COL24A1: variants seen among roughly 807,000 people sequenced by gnomAD.
The protein encoded by COL24A1 is collagen alpha-1(XXIV) chain.
A neutral mutation model predicts 253.9 loss-of-function variants in COL24A1; 224 were observed. The ratio of observed to expected loss-of-function variants is 0.88; its 90% CI spans 0.79 to 0.99. COL24A1 has a LOEUF of 0.99. Ranked by LOEUF, COL24A1 falls within the 50% of genes least tolerant of loss-of-function variation. COL24A1 has a pLI of 0.00. For missense variants in COL24A1, 2,131 were observed against 2,068.5 expected (o/e 1.03, Z -0.59); for synonymous variants, 685 against 673.7 (o/e 1.02, Z -0.26).
chr1:85,973,594 A>AAG (rs1692386775), intron 20 of COL24A1, among the ~76,000 whole-genome samples: 2 of 152,192 alleles, frequency 1.3e-5, no homozygotes, highest in African/African-American at 4.8e-5. Flanking sequence ...AAGAACATAC[A>AAG]ATATTAAGAT....
intron 2 of COL24A1, among the ~76,000 whole-genome samples, chr1:86,132,577 T>C (rs1172574798): frequency 1.3e-5 from 2 of 152,216 alleles, no homozygotes; most frequent in Non-Finnish European, 2.9e-5. Flanking sequence ...TTCAGCTTTC[T>C]ACATGTGGCT....
intron 53 of COL24A1, among the ~76,000 whole-genome samples, chr1:85,762,492 T>C (rs538941520): frequency 1.7e-4 from 26 of 152,336 alleles, no homozygotes; most frequent in Admixed American, 1.6e-3. Context: ...TTGTACATAA[T>C]TAAATGAATG....
chr1:86,112,141 T>A (rs1277336137), intron 5 of COL24A1, among the ~76,000 whole-genome samples: 1 of 152,156 alleles, frequency 6.6e-6, no homozygotes, highest in African/African-American at 2.4e-5. Flanking sequence ...TCTTTAAACA[T>A]CCTCGGTTTT....
chr1:86,104,392 A>G (rs1368755694), intron 5 of COL24A1, among the ~76,000 whole-genome samples: 2 of 152,092 alleles, frequency 1.3e-5, no homozygotes, highest in Non-Finnish European at 2.9e-5. Flanking sequence ...CAGCCATCTC[A>G]GCCCAGTTCA....
chr1:85,995,806 T>A (rs1170847397), intron 19 of COL24A1, among the ~76,000 whole-genome samples: 1 of 152,076 alleles, frequency 6.6e-6, no homozygotes, highest in Non-Finnish European at 1.5e-5. Context: ...ATTTGGTTGT[T>A]TAGAAGTGTG....
Position 86,124,867 on chromosome 1 carries a change from G to A in COL24A1, c.1469C>T (p.Pro490Leu). 4 of 1,564,908 alleles carry A rather than the reference G, an allele frequency of 2.6e-6. No homozygotes were observed. The highest frequency in any genetic ancestry group is 3.4e-6 in the Non-Finnish European group (4 of 1,163,468). Residue 490 changes from proline (P) to leucine (L), a missense_variant, in exon 3 of 60, where the codon CCA becomes CTA. Pro to Leu is a moderately conservative substitution (Grantham distance 98, BLOSUM62 -3). Transcript: ENST00000370571. The stretch of plus-strand genomic sequence containing the variant: ...TACGGGAGGTCCAGTGTCTCCTTTT[G>A]GCCCTCTCAGATACTCCATTTCAAG... ...TMLEMEYLRG[P>L]KGDTGPPGPP...
intron 57 of COL24A1, among the ~76,000 whole-genome samples, chr1:85,744,195 T>C (rs2100927302): frequency 6.6e-6 from 1 of 152,204 alleles, no homozygotes; most frequent in Non-Finnish European, 1.5e-5. Context: ...TGTGTTGAGA[T>C]TAGACACTTC....
At chr1:85,990,404 C>T (rs530968938) in intron 19 of COL24A1, among the ~76,000 whole-genome samples, 7 of 152,314 alleles carry the variant, frequency 4.6e-5, no homozygotes, top group African/African-American at 1.4e-4. Context: ...AGGCATTAGA[C>T]TCTCATAAGG....
chr1:86,003,878 C>T (rs80323833), intron 19 of COL24A1, among the ~76,000 whole-genome samples: 3,106 of 152,144 alleles, frequency 0.02, 41 homozygotes, highest in Middle Eastern at 0.071. Context: ...CACATTAATG[C>T]CCACCAGGAA....
In COL24A1 at chr1:85,945,018, T is replaced by TGTTTG. The variant is rs1689167685; in HGVS notation, c.2562+16230_2562+16231insCAAAC. ...TATCATTGTGTTTTTTTTTTTTTTT[T>TGTTTG]TTTTTTTTTTTTTTTTTGAGACAGA... On this transcript the variant is annotated intron_variant, in intron 24 of 59. Coordinates refer to ENST00000370571, the MANE Select transcript of COL24A1 (RefSeq NM_152890.7). 3.5e-5 allele frequency among the ~76,000 whole-genome samples: 3 copies of TGTTTG among 86,838 alleles called. 1 individual carries two copies. The South Asian group carries it at 1.8e-3, about 53-fold the overall frequency. The allele number at this position is 86,838 out of a possible 152,430, so 57.0% of individuals were successfully genotyped here.
intron 47 of COL24A1, among the ~76,000 whole-genome samples, chr1:85,788,004 T>C (rs932646488): frequency 6.9e-6 from 1 of 145,926 alleles, no homozygotes; most frequent in Non-Finnish European, 1.5e-5. Context: ...TTTTTTTTGA[T>C]ATGTTTGTTG....
chr1:85,898,031 TACTC>T (rs1302558868), intron 28 of COL24A1, among the ~76,000 whole-genome samples: 1 of 152,136 alleles, frequency 6.6e-6, no homozygotes, highest in Non-Finnish European at 1.5e-5. Flanking sequence ...TGAAAACAGA[TACTC>T]AAAGAATAAA....
At chr1:86,014,878 T>C (rs1035488529) in intron 19 of COL24A1, among the ~76,000 whole-genome samples, 3 of 152,148 alleles carry the variant, frequency 2.0e-5, no homozygotes, top group Admixed American at 2.0e-4. Flanking sequence ...CCTTCCCTTC[T>C]TCTCTTTTAT....
At chr1:85,960,169 G>T (rs1440162777) in intron 24 of COL24A1, among the ~76,000 whole-genome samples, 1 of 140,150 alleles carries the variant, frequency 7.1e-6, no homozygotes, top group Non-Finnish European at 1.6e-5. Context: ...ACAAGACCAA[G>T]ATTTATAATT....
In COL24A1 at chr1:86,031,893, C is replaced by T. The variant is rs1417148970; in HGVS notation, c.2034G>A (p.Gly678=). ...PGLVGGTGPP[G]FPGLRGSVGP... is the part of the protein sequence containing the mutation. ...TGATACTCACTCTAAGCCCAGGAAA[C>T]CCCGGAGGACCAGTGCCACCTACAA... The change falls in exon 14 of 60, where the codon GGG becomes GGA. Residue 678 remains glycine, a synonymous_variant. Coordinates refer to ENST00000370571, the MANE Select transcript of COL24A1 (RefSeq NM_152890.7). The T allele has an allele frequency of 1.6e-5, 25 of 1,608,520 alleles. No homozygotes were observed. The highest frequency in any genetic ancestry group is 2.1e-5 in the Non-Finnish European group (25 of 1,177,388).
At chr1:85,919,504 C>T (rs1425925657) in intron 24 of COL24A1, among the ~76,000 whole-genome samples, 1 of 152,118 alleles carries the variant, frequency 6.6e-6, no homozygotes, top group Admixed American at 6.5e-5. Flanking sequence ...CAAAGTGAGA[C>T]CCTGTCTCTA....
At position 85,832,389 on chromosome 1, in the gene COL24A1, A is replaced by T. The variant is rs1160562885; in HGVS notation, c.3681+6196T>A. Among the ~76,000 whole-genome samples the T allele has an allele frequency of 6.6e-5, 10 of 152,016 alleles. 1 individual carries two copies. The South Asian group carries it at 1.0e-3, about 16-fold the overall frequency. The stretch of plus-strand genomic sequence containing the variant: ...GCCTCCAGCTTTGTCCTTTTGGCTT[A>T]GGTTGACTTGGCAATGTGGGCTCTT... On this transcript the variant is annotated intron_variant, in intron 43 of 59. Transcript: ENST00000370571.
intron 53 of COL24A1, among the ~76,000 whole-genome samples, chr1:85,772,995 G>A (rs1668139811): frequency 6.6e-6 from 1 of 152,086 alleles, no homozygotes; most frequent in African/African-American, 2.4e-5. Context: ...GGATTTTTAT[G>A]GTCCTAGGTC....
intron 24 of COL24A1, among the ~76,000 whole-genome samples, chr1:85,945,299 G>C (rs1273120116): frequency 6.6e-6 from 1 of 151,662 alleles, no homozygotes; most frequent in Non-Finnish European, 1.5e-5. Flanking sequence ...GATTACAGGT[G>C]TGAGCCACTG....
Sources: gnomAD v4.1 joint callset for allele counts (sites outside exome capture counted in the v4.1 genomes callset) on GRCh38, gnomAD v4.1.1 for gene constraint, MANE v1.5 for transcripts, NCBI Gene and HGNC (gene_info 2026-07-23, HGNC 2026-07-21) for gene names.